The following GLIPR1L2 variants were observed in gnomAD, a reference collection of about 807,000 sequenced individuals.
GLIPR1L2 encodes GLIPR1-like protein 2.
GLIPR1L2 carries 21 observed loss-of-function variants against 28.4 expected under a neutral mutation model. The observed-to-expected ratio is 0.74, with a 90% CI of 0.52 to 1.06. The LOEUF (loss-of-function observed/expected upper bound fraction) is 1.06. GLIPR1L2 is among the 50% of genes least tolerant of loss of function. GLIPR1L2 has a pLI of 0.00. For synonymous variants in GLIPR1L2, 145 were observed against 139.3 expected (o/e 1.04, Z -0.29); for missense variants, 476 against 416.9 (o/e 1.14, Z -1.23).
intron 4 of GLIPR1L2, among the ~76,000 whole-genome samples, chr12:75,425,484 C>G (rs1392849494): frequency 6.6e-6 from 1 of 152,174 alleles, no homozygotes; most frequent in Non-Finnish European, 1.5e-5. Context: ...AGGAAGGAAT[C>G]CACACATGCA....
At chr12:75,411,245 CAG>C in intron 2 of GLIPR1L2, among the ~76,000 whole-genome samples, 1 of 151,910 alleles carries the variant, frequency 6.6e-6, no homozygotes, top group Admixed American at 6.6e-5. Flanking sequence ...ACACTGAGGG[CAG>C]GGACCTTACC....
In GLIPR1L2 at chr12:75,431,010, A is replaced by C. The variant is rs766036782; in HGVS notation, c.884A>C (p.Glu295Ala). The change falls in exon 6 of 6, where the codon GAA (glutamate) becomes GCA (alanine). Residue 295 changes from glutamate (E) to alanine (A), a missense_variant. Glu to Ala is a moderately radical substitution (Grantham distance 107). Coordinates refer to ENST00000550916, the MANE Select transcript of GLIPR1L2 (RefSeq NM_001270396.2). ...ATGATATTTACCCCTGAGGAATCTG[A>C]AGCAGGGAATGAAGAGGAGGAAAAA... ...QQMIFTPEESEAGNEEEEKEE... is the reference protein window; with the variant it reads ...QQMIFTPEESAAGNEEEEKEE... 1 of 1,534,526 alleles carries C rather than the reference A, an allele frequency of 6.5e-7. No individual in the cohort carries two copies. The highest frequency in any genetic ancestry group is 2.4e-5 in the East Asian group (1 of 40,890).
At chr12:75,430,664 G>A in intron 4 of GLIPR1L2, 51 bp from the exon 5 acceptor site, 2 of 1,470,142 alleles carry the variant, frequency 1.4e-6, no homozygotes, top group South Asian at 2.5e-5. Context: ...TTATTTTTTA[G>A]ACAAAGAAGA....
At position 75,423,374 on chromosome 12, in the gene GLIPR1L2, G is replaced by GT. The variant is rs200577604; in HGVS notation, c.670+390dup. On this transcript the variant is annotated intron_variant, in intron 4 of 5. Coordinates refer to ENST00000550916, the MANE Select transcript of GLIPR1L2 (RefSeq NM_001270396.2). ...ATATATTTAATACCCTTTTCTTTTA[G>GT]TTTTTCCTCCAAAAAGCTGAAATCT... The GT allele has an allele frequency of 6.8e-4, 683 of 1,007,306 alleles. 14 individuals carry two copies. Among genetic ancestry groups the GT allele is most frequent in the Non-Finnish European group, 1.5e-4 (124 of 842,766 alleles). 62.4% of individuals were successfully genotyped at this position (1,007,306 alleles called of 1,614,324 possible).
intron 1 of GLIPR1L2, among the ~76,000 whole-genome samples, chr12:75,405,381 G>C (rs773244786): frequency 3.3e-5 from 5 of 152,096 alleles, no homozygotes; most frequent in African/African-American, 4.8e-5. Flanking sequence ...AAAAGAAACT[G>C]TTTTGAAGGA....
intron 2 of GLIPR1L2, 70 bp from the exon 3 acceptor site, chr12:75,413,528 T>G (rs996093925): frequency 2.4e-5 from 20 of 840,956 alleles, no homozygotes; most frequent in African/African-American, 5.3e-5. Flanking sequence ...ATGGAATATA[T>G]TATTGTTTAT....
At chr12:75,395,683 G>A (rs1301417076) in intron 1 of GLIPR1L2, among the ~76,000 whole-genome samples, 2 of 151,324 alleles carry the variant, frequency 1.3e-5, no homozygotes, top group Non-Finnish European at 3.0e-5. Flanking sequence ...ATTAGTTATA[G>A]GTCTGTTTAG....
At chr12:75,419,365 G>A (rs2045955030) in intron 3 of GLIPR1L2, among the ~76,000 whole-genome samples, 1 of 151,980 alleles carries the variant, frequency 6.6e-6, no homozygotes, top group African/African-American at 2.4e-5. Context: ...GTTTTAAGAG[G>A]TAACAGGATC....
chr12:75,429,221 T>G (rs1470261379), intron 4 of GLIPR1L2, among the ~76,000 whole-genome samples: 1 of 152,164 alleles, frequency 6.6e-6, no homozygotes, highest in Non-Finnish European at 1.5e-5. Context: ...GGGCAGAGCT[T>G]CCCAAGTCCT....
At chr12:75,399,220 GTTAAAAGATATACCA>G (rs1172375761) in intron 1 of GLIPR1L2, among the ~76,000 whole-genome samples, 2 of 152,154 alleles carry the variant, frequency 1.3e-5, no homozygotes, top group Non-Finnish European at 2.9e-5. Context: ...GTATTAGTAT[GTTAAAAGATATACCA>G]TTGAAAGATA....
At chr12:75,415,929 C>A (rs2045919225) in intron 3 of GLIPR1L2, among the ~76,000 whole-genome samples, 1 of 151,632 alleles carries the variant, frequency 6.6e-6, no homozygotes, top group Non-Finnish European at 1.5e-5. Context: ...GTCAGTGGTG[C>A]CTTATAATAT....
chr12:75,410,083 G>A (rs1034507106), intron 1 of GLIPR1L2, among the ~76,000 whole-genome samples: 1 of 151,442 alleles, frequency 6.6e-6, no homozygotes, highest in African/African-American at 2.4e-5. Flanking sequence ...TTAGATTGTT[G>A]TATTTCTGTG....
intron 1 of GLIPR1L2, chr12:75,391,697 ATGTTAAAAAATTTAACAAAGAC>A: frequency 2.3e-6 from 1 of 433,642 alleles, no homozygotes. Flanking sequence ...GGTAAAGAAA[ATGTTAAAAAATTTAACAAAGAC>A]AGGTTCCTTG....
chr12:75,415,510 A>G (rs970357735), intron 3 of GLIPR1L2, among the ~76,000 whole-genome samples: 2 of 152,124 alleles, frequency 1.3e-5, no homozygotes, highest in East Asian at 3.9e-4. Context: ...AACATTTATT[A>G]TCAAACAGTT....
At chr12:75,400,955 CAT>C (rs912174518) in intron 1 of GLIPR1L2, among the ~76,000 whole-genome samples, 29 of 151,826 alleles carry the variant, frequency 1.9e-4, no homozygotes, top group African/African-American at 6.8e-4. Context: ...GTTATTTAAT[CAT>C]ATGTAATTTT....
chr12:75,431,111 G>A lies in GLIPR1L2; in HGVS notation c.985G>A (p.Glu329Lys). The A allele has an allele frequency of 9.8e-7, 1 of 1,025,290 alleles. No individual in the cohort carries two copies. Among genetic ancestry groups the A allele is most frequent in the Non-Finnish European group, 1.5e-6 (1 of 685,704 alleles). The allele number at this position is 1,025,290 out of a possible 1,614,324, so 63.5% of individuals were successfully genotyped here. ...EMEEEKEERE[E>K]EEEETQKEKM... Reference sequence around the variant, plus strand: ...GGAGGAGGAAAAAGAAGAGAGAGAGGAGGAGGAGGAGGAAACACAAAAAGA... The same window carrying A: ...GGAGGAGGAAAAAGAAGAGAGAGAGAAGGAGGAGGAGGAAACACAAAAAGA... The change falls in exon 6 of 6, where the codon GAG (glutamate) becomes AAG (lysine). Residue 329 changes from glutamate (E) to lysine (K), a missense_variant. Physicochemically the swap from Glu to Lys is moderately conservative, Grantham distance 56 (BLOSUM62 1). Coordinates refer to ENST00000550916, the MANE Select transcript of GLIPR1L2 (RefSeq NM_001270396.2).
chr12:75,418,171 G>A (rs1198518409), intron 3 of GLIPR1L2, among the ~76,000 whole-genome samples: 1 of 152,090 alleles, frequency 6.6e-6, no homozygotes, highest in African/African-American at 2.4e-5. Context: ...GGGTCAATAA[G>A]TAGATCCAAA....
chr12:75,415,059 G>A (rs369136097), intron 3 of GLIPR1L2, among the ~76,000 whole-genome samples: 9 of 152,172 alleles, frequency 5.9e-5, no homozygotes, highest in African/African-American at 2.2e-4. Flanking sequence ...GATGTTCCAG[G>A]TAGAAGTATG....
In GLIPR1L2 at chr12:75,422,761, A is replaced by T. The variant is rs2045990212; in HGVS notation, c.585-143A>T. 5.0e-6 allele frequency: 3 copies of T among 603,722 alleles called. No homozygotes were observed. The South Asian group carries it at 7.2e-5, about 14-fold the overall frequency. 37.4% of individuals were successfully genotyped at this position (603,722 alleles called of 1,614,324 possible). ...GGGGAGAACAAAAGGGAAACATTGA[A>T]TCTCTAATTAAAGTATTTCCTTAAG... is the stretch of plus-strand genomic sequence containing the variant. On this transcript the variant is annotated intron_variant, in intron 3 of 5. Transcript: ENST00000550916.
Sources: allele counts gnomAD v4.1 joint callset (sites outside exome capture counted in the v4.1 genomes callset), GRCh38; gene constraint gnomAD v4.1.1; transcripts MANE v1.5; gene names NCBI Gene and HGNC (gene_info 2026-07-23, HGNC 2026-07-21).